SLFN5: variants seen among roughly 807,000 people sequenced by gnomAD.
SLFN5 encodes schlafen family member 5.
SLFN5 carries 34 observed loss-of-function variants against 48.5 expected under a neutral mutation model. That is an observed-to-expected ratio of 0.70 (90% CI 0.53 to 0.93). The LOEUF (loss-of-function observed/expected upper bound fraction) is 0.93. Among genes scored for constraint, SLFN5 ranks in the 40% least tolerant of loss-of-function variants. The pLI, the probability that SLFN5 is intolerant of heterozygous loss-of-function variation, is 0.00. For synonymous variants in SLFN5, 387 were observed against 396.2 expected (o/e 0.98, Z 0.28); for missense variants, 1,006 against 1,071.3 (o/e 0.94, Z 0.85).
chr17:35,263,241 G>A (rs571307368), intron 3 of SLFN5, among the ~76,000 whole-genome samples: 3 of 151,990 alleles, frequency 2.0e-5, no homozygotes, highest in South Asian at 2.1e-4. Flanking sequence ...AGCGATTCTC[G>A]TGCCTCAGCC....
At chr17:35,262,565 A>G (rs1904551822) in intron 3 of SLFN5, among the ~76,000 whole-genome samples, 2 of 152,136 alleles carry the variant, frequency 1.3e-5, no homozygotes, top group African/African-American at 4.8e-5. Flanking sequence ...TTATCCTATC[A>G]AAAAGAAAAA....
At position 35,265,322 on chromosome 17, in the gene SLFN5, C is replaced by A; in HGVS notation, c.2110C>A (p.Pro704Thr). 1.9e-6 allele frequency: 3 copies of A among 1,614,116 alleles called. No homozygotes were observed. Among genetic ancestry groups the A allele is most frequent in the Non-Finnish European group, 2.5e-6 (3 of 1,180,030 alleles). The change falls in exon 5 of 5, where the codon CCA (proline) becomes ACA (threonine). Residue 704 changes from proline (P) to threonine (T), a missense_variant. Physicochemically the swap from Pro to Thr is conservative, Grantham distance 38. Transcript: ENST00000299977. ...CCTCCCCCCTCCCTCAGACCAGTATCCAAGAGAAGAGATCAACAGAGTGGT... is the reference window on the plus strand; with the variant it reads ...CCTCCCCCCTCCCTCAGACCAGTATACAAGAGAAGAGATCAACAGAGTGGT... ...SGLPPPSDQY[P>T]REEINRVVRN...
At chr17:35,250,364 AAG>A (rs1431058578) in intron 1 of SLFN5, among the ~76,000 whole-genome samples, 2 of 152,204 alleles carry the variant, frequency 1.3e-5, no homozygotes, top group Non-Finnish European at 2.9e-5. Context: ...ATGCTCAAGT[AAG>A]AGTTAAAAGA....
At chr17:35,247,848 A>C (rs1278107392) in intron 1 of SLFN5, among the ~76,000 whole-genome samples, 4 of 152,222 alleles carry the variant, frequency 2.6e-5, no homozygotes, top group Non-Finnish European at 4.4e-5. Flanking sequence ...CATGTGGACA[A>C]ACTTTGTTGT....
chr17:35,259,951 A>AG, intron 2 of SLFN5: 1 of 479,302 alleles, frequency 2.1e-6, no homozygotes, highest in Non-Finnish European at 3.7e-6. Flanking sequence ...AGGCTGGTGC[A>AG]GGGGGCTGTT....
Position 35,265,917 on chromosome 17 carries a change from AGTG to A in SLFN5, c.*32_*34del. 1.3e-6 allele frequency: 2 copies of A among 1,545,720 alleles called. No homozygotes were observed. The highest frequency in any genetic ancestry group is 4.5e-5 in the East Asian group (2 of 44,414). ...GAAACCCAAGCCTAAGAAACAATTA[AGTG>A]GTTCTCATCTCTAATTAACTGTGAA... is the stretch of plus-strand genomic sequence containing the variant. On this transcript the variant is annotated 3_prime_UTR_variant, in exon 5 of 5. Coordinates refer to ENST00000299977, the MANE Select transcript of SLFN5 (RefSeq NM_144975.4).
rs1904721064 is a variant in SLFN5 at position 35,267,197 on chromosome 17, A to G, written c.*1309A>G. On this transcript the variant is annotated 3_prime_UTR_variant, in exon 5 of 5. Transcript: ENST00000299977. ...TCACTAGTAAGTAGAGACACATTTAAGATAAAATGATTAATAAAACAATTG... is the reference window on the plus strand; with the variant it reads ...TCACTAGTAAGTAGAGACACATTTAGGATAAAATGATTAATAAAACAATTG... The G allele has an allele frequency of 1.3e-5, 2 of 152,228 alleles. No individual in the cohort carries two copies. Among genetic ancestry groups the G allele is most frequent in the South Asian group, 4.1e-4 (2 of 4,832 alleles). The allele number at this position is 152,228 out of a possible 1,614,324, so 9.4% of individuals were successfully genotyped here.
rs916795419 is a variant in SLFN5, at chr17:35,264,773, C to T, written c.1729C>T (p.His577Tyr). 3 of 1,596,854 alleles carry T rather than the reference C, an allele frequency of 1.9e-6. No homozygotes were observed. Among genetic ancestry groups the T allele is most frequent in the Admixed American group, 1.8e-5 (1 of 56,582 alleles). ...TCGCAAGACCAGAGAGTTGTTTGTT[C>T]ATGGCTTACCTGGATCAGGGAAGAC... ...NLRKTRELFV[H>Y]GLPGSGKTIL... The change falls in exon 4 of 5, where the codon CAT (histidine) becomes TAT (tyrosine). Residue 577 changes from histidine (H) to tyrosine (Y), a missense_variant. Transcript: ENST00000299977.
intron 3 of SLFN5, 67 bp from the exon 4 acceptor site, chr17:35,264,116 A>G: frequency 6.7e-7 from 1 of 1,500,736 alleles, no homozygotes; most frequent in East Asian, 2.3e-5. Flanking sequence ...TAATTCTTCT[A>G]CGTATAATGA....
At chr17:35,258,152 A>G (rs1904396803) in intron 1 of SLFN5, among the ~76,000 whole-genome samples, 1 of 152,190 alleles carries the variant, frequency 6.6e-6, no homozygotes, top group African/African-American at 2.4e-5. Context: ...AGCTTAATTC[A>G]TGTATAAATC....
rs116154216 is a variant in SLFN5 at position 35,265,777 on chromosome 17, C to T, written c.2565C>T (p.Ile855=). ...GATTTTCAGGCCTGGAAAGAAATATCGTGTTTGGAATCAATCCAGGAGTAG... is the reference window on the plus strand; with the variant it reads ...GATTTTCAGGCCTGGAAAGAAATATTGTGTTTGGAATCAATCCAGGAGTAG... ...VCRFSGLERN[I]VFGINPGVAP... The change falls in exon 5 of 5, where the codon ATC becomes ATT. Residue 855 remains isoleucine (I), a synonymous_variant. Coordinates refer to ENST00000299977, the MANE Select transcript of SLFN5 (RefSeq NM_144975.4). 3,185 of 1,614,138 alleles carry T rather than the reference C, an allele frequency of 2.0e-3. 48 individuals carry two copies. The African/African-American group carries it at 0.031, about 16-fold the overall frequency.
chr17:35,245,600 T>A (rs2092428801), intron 1 of SLFN5, among the ~76,000 whole-genome samples: 1 of 152,196 alleles, frequency 6.6e-6, no homozygotes, highest in Non-Finnish European at 1.5e-5. Flanking sequence ...CTCTTTTATG[T>A]CTGGCTTCTG....
In SLFN5 at chr17:35,268,141, C is replaced by T. The variant is rs1156800753; in HGVS notation, c.*2253C>T. 6.6e-6 allele frequency: 1 copy of T among 152,216 alleles called. No homozygotes were observed. The highest frequency in any genetic ancestry group is 1.5e-5 in the Non-Finnish European group (1 of 68,082). The allele number at this position is 152,216 out of a possible 1,614,324, so 9.4% of individuals were successfully genotyped here. On this transcript the variant is annotated 3_prime_UTR_variant, in exon 5 of 5. Transcript: ENST00000299977. ...TCATCTCACACCAGATCATATCAGGCTACACAAAAGTAGATGGAAGACACC... is the reference window on the plus strand; with the variant it reads ...TCATCTCACACCAGATCATATCAGGTTACACAAAAGTAGATGGAAGACACC...
intron 2 of SLFN5, among the ~76,000 whole-genome samples, chr17:35,260,490 C>T (rs906630437): frequency 2.0e-5 from 3 of 151,778 alleles, no homozygotes; most frequent in Non-Finnish European, 4.4e-5. Flanking sequence ...TTTGGGAGGC[C>T]GAGGGGGGCA....
rs544112155 is a variant in SLFN5, at chr17:35,272,703, G to T, written c.*6815G>T. The stretch of plus-strand genomic sequence containing the variant: ...AGAGAAAAATTCTAAGGTCTCAAAG[G>T]AAAAATGAGCAAAGGATTTGACAGG... On this transcript the variant is annotated 3_prime_UTR_variant, in exon 5 of 5. Coordinates refer to ENST00000299977, the MANE Select transcript of SLFN5 (RefSeq NM_144975.4). 3.3e-5 allele frequency: 5 copies of T among 152,200 alleles called. No homozygotes were observed. The South Asian group carries it at 1.0e-3, about 32-fold the overall frequency. The allele number at this position is 152,200 out of a possible 1,614,324, so 9.4% of individuals were successfully genotyped here. A position where few individuals can be genotyped will look rare whatever the true frequency, so the allele number is the denominator to read the frequency against.
chr17:35,260,660 G>A (rs369708037), intron 2 of SLFN5, among the ~76,000 whole-genome samples: 1 of 152,082 alleles, frequency 6.6e-6, no homozygotes, highest in Admixed American at 6.5e-5. Context: ...TTGCAGTGAG[G>A]TGAGATCATG....
At position 35,264,245 on chromosome 17, in the gene SLFN5, A is replaced by G. The variant is rs759052407; in HGVS notation, c.1201A>G (p.Lys401Glu). Residue 401 changes from lysine to glutamate, a missense_variant, in exon 4 of 5, where the codon AAA (lysine) becomes GAA (glutamate). Coordinates refer to ENST00000299977, the MANE Select transcript of SLFN5 (RefSeq NM_144975.4). ...CTACAAGGAACTCTTCTCACAACATAAAGGACTCAGAGACTTAATAAATAC... is the reference window on the plus strand; with the variant it reads ...CTACAAGGAACTCTTCTCACAACATGAAGGACTCAGAGACTTAATAAATAC... Reference protein sequence around the residue: ...SLYKELFSQHKGLRDLINTEM... With the variant: ...SLYKELFSQHEGLRDLINTEM... The G allele has an allele frequency of 6.2e-7, 1 of 1,614,106 alleles. No individual in the cohort carries two copies. Among genetic ancestry groups the G allele is most frequent in the South Asian group, 1.1e-5 (1 of 91,076 alleles).
chr17:35,253,408 G>C (rs2092447200), intron 1 of SLFN5, among the ~76,000 whole-genome samples: 1 of 151,850 alleles, frequency 6.6e-6, no homozygotes, highest in Non-Finnish European at 1.5e-5. Context: ...GTCTCCCTCT[G>C]TTGCCCAGGC....
At chr17:35,260,250 T>C (rs1425142624) in intron 2 of SLFN5, among the ~76,000 whole-genome samples, 1 of 152,128 alleles carries the variant, frequency 6.6e-6, no homozygotes, top group East Asian at 1.9e-4. Flanking sequence ...CAGAGGATGG[T>C]TGGTGACATG....
Sources: allele counts gnomAD v4.1 joint callset (sites outside exome capture counted in the v4.1 genomes callset), GRCh38; gene constraint gnomAD v4.1.1; transcripts MANE v1.5; gene names NCBI Gene and HGNC (gene_info 2026-07-23, HGNC 2026-07-21).